The following TMC1 variants were observed in gnomAD, a reference collection of about 807,000 sequenced individuals.
TMC1 encodes transmembrane channel like 1.
In TMC1, 84 loss-of-function variants were observed where a neutral mutation model predicts 105.8. The observed-to-expected ratio is 0.79, with a 90% CI of 0.67 to 0.95. The LOEUF is 0.95. TMC1 is among the 40% of genes least tolerant of loss of function. The pLI, the probability that TMC1 is intolerant of heterozygous loss-of-function variation, is 0.00. For synonymous variants in TMC1, 315 were observed against 311.5 expected, an observed-to-expected ratio of 1.01 and a Z score of -0.12; for missense variants, 817 against 914.1, an observed-to-expected ratio of 0.89 and a Z score of 1.37.
chr9:72,562,855 G>T (rs1038889170), intron 1 of TMC1, among the ~76,000 whole-genome samples: 23 of 152,134 alleles, frequency 1.5e-4, no homozygotes, highest in Admixed American at 1.1e-3. Flanking sequence ...GGCGGCAGAC[G>T]CCTGTAACCC....
intron 2 of TMC1, among the ~76,000 whole-genome samples, chr9:72,613,566 A>G (rs1199033816): frequency 6.6e-6 from 1 of 152,048 alleles, no homozygotes; most frequent in Non-Finnish European, 1.5e-5. Context: ...AGCAAAACCT[A>G]TCTCTTCTTG....
intron 8 of TMC1, among the ~76,000 whole-genome samples, chr9:72,718,494 T>C (rs1826960900): frequency 1.3e-5 from 2 of 152,194 alleles, no homozygotes; most frequent in Non-Finnish European, 2.9e-5. Flanking sequence ...AGCCACCCAG[T>C]GGAGCTACTG....
chr9:72,679,656 G>A (rs143913979), intron 5 of TMC1, among the ~76,000 whole-genome samples: 109 of 152,108 alleles, frequency 7.2e-4, no homozygotes, highest in African/African-American at 2.6e-3. Flanking sequence ...GTCTCCATAT[G>A]GTAGAAAGAA....
Position 72,671,717 on chromosome 9 carries a change from A to G in TMC1, c.17-16992A>G, listed in dbSNP as rs972164067. 1.3e-5 allele frequency among the ~76,000 whole-genome samples: 2 copies of G among 152,176 alleles called. 1 individual carries two copies. The highest frequency in any genetic ancestry group is 2.9e-5 in the Non-Finnish European group (2 of 68,028). ...CCCTCAGATACCAAAGGATGACTGT[A>G]TATTTTTTAAATTAAGAGACTTTCA... On this transcript the variant is annotated intron_variant, in intron 5 of 23. Coordinates refer to ENST00000297784, the MANE Select transcript of TMC1 (RefSeq NM_138691.3).
intron 20 of TMC1, among the ~76,000 whole-genome samples, chr9:72,822,493 T>C: frequency 6.6e-6 from 1 of 150,856 alleles, no homozygotes; most frequent in East Asian, 1.9e-4. Flanking sequence ...GAACTGATGT[T>C]GAGAAGCTCT....
chr9:72,798,288 A>G (rs1828407467), intron 17 of TMC1, among the ~76,000 whole-genome samples: 1 of 152,162 alleles, frequency 6.6e-6, no homozygotes, highest in Admixed American at 6.5e-5. Flanking sequence ...TAGTTCAACC[A>G]TTGTGGAAAG....
At chr9:72,788,948 C>A (rs187933816) in intron 14 of TMC1, among the ~76,000 whole-genome samples, 175 bp from the exon 15 acceptor site, 1 of 152,028 alleles carries the variant, frequency 6.6e-6, no homozygotes, top group East Asian at 1.9e-4. Flanking sequence ...GTCTTACTTG[C>A]CATCGTTTGT....
intron 2 of TMC1, among the ~76,000 whole-genome samples, chr9:72,586,924 G>C (rs1824562424): frequency 6.6e-6 from 1 of 152,136 alleles, no homozygotes; most frequent in African/African-American, 2.4e-5. Flanking sequence ...TCTTCCTGGT[G>C]GTGGTGGTTG....
chr9:72,811,275 T>A (rs556931630), intron 18 of TMC1, among the ~76,000 whole-genome samples: 1 of 152,290 alleles, frequency 6.6e-6, no homozygotes, highest in East Asian at 1.9e-4. Flanking sequence ...TTTATGGTCA[T>A]AATGTTATCA....
intron 2 of TMC1, among the ~76,000 whole-genome samples, chr9:72,604,475 T>G (rs751484593): frequency 5.9e-5 from 9 of 152,206 alleles, no homozygotes; most frequent in Non-Finnish European, 1.0e-4. Context: ...ATTTCTACAA[T>G]CTAAGGGGAG....
chr9:72,634,773 G>A (rs889726017), intron 4 of TMC1, among the ~76,000 whole-genome samples: 3 of 152,124 alleles, frequency 2.0e-5, no homozygotes, highest in East Asian at 3.8e-4. Flanking sequence ...AATGGTTCAC[G>A]GAACTCAGAA....
intron 5 of TMC1, among the ~76,000 whole-genome samples, chr9:72,665,553 C>A (rs1826030221): frequency 6.6e-6 from 1 of 152,188 alleles, no homozygotes; most frequent in African/African-American, 2.4e-5. Flanking sequence ...TTTAGCACTG[C>A]ATTCCAATGG....
chr9:72,753,264 A>G (rs962916019), intron 11 of TMC1, among the ~76,000 whole-genome samples: 5 of 125,266 alleles, frequency 4.0e-5, no homozygotes, highest in African/African-American at 1.6e-4. Flanking sequence ...TGTGTATTTT[A>G]TCTATTTCAA....
intron 5 of TMC1, among the ~76,000 whole-genome samples, chr9:72,659,976 T>TA (rs758258190): frequency 3.9e-5 from 6 of 152,154 alleles, no homozygotes; most frequent in Admixed American, 2.0e-4. Context: ...GACTGCCTAA[T>TA]ATGACATCAT....
intron 3 of TMC1, among the ~76,000 whole-genome samples, chr9:72,620,535 A>G (rs1341144244): frequency 2.6e-5 from 4 of 152,160 alleles, no homozygotes; most frequent in Non-Finnish European, 4.4e-5. Context: ...ACAGTCCTGA[A>G]CCACCATACC....
intron 17 of TMC1, among the ~76,000 whole-genome samples, chr9:72,793,558 G>T (rs1356314458): frequency 6.6e-6 from 1 of 152,096 alleles, no homozygotes; most frequent in Non-Finnish European, 1.5e-5. Flanking sequence ...CTCCTCACTG[G>T]GTAGGACCTC....
At chr9:72,746,271 A>T (rs993126707) in intron 10 of TMC1, among the ~76,000 whole-genome samples, 1 of 152,198 alleles carries the variant, frequency 6.6e-6, no homozygotes, top group Non-Finnish European at 1.5e-5. Context: ...AATAAGCCTG[A>T]CATTATTGAT....
chr9:72,704,038 A>T (rs1335136146), intron 8 of TMC1, among the ~76,000 whole-genome samples: 1 of 152,192 alleles, frequency 6.6e-6, no homozygotes, highest in Admixed American at 6.5e-5. Flanking sequence ...AGTGGTCAGT[A>T]CTTCACAGAA....
At chr9:72,704,417 G>C (rs1453186297) in intron 8 of TMC1, among the ~76,000 whole-genome samples, 1 of 152,086 alleles carries the variant, frequency 6.6e-6, no homozygotes, top group Non-Finnish European at 1.5e-5. Context: ...TGGTTCTGAG[G>C]GTGTTATGGG....
Sources: gnomAD v4.1 joint callset for allele counts (sites outside exome capture counted in the v4.1 genomes callset) on GRCh38, gnomAD v4.1.1 for gene constraint, MANE v1.5 for transcripts, NCBI Gene and HGNC (gene_info 2026-07-23, HGNC 2026-07-21) for gene names.